The following SYT1 variants were observed in gnomAD, a reference collection of about 807,000 sequenced individuals.
The protein encoded by SYT1 is synaptotagmin-1.
A neutral mutation model predicts 44.8 loss-of-function variants in SYT1; 8 were observed. That is an observed-to-expected ratio of 0.18 (90% CI 0.10 to 0.32). SYT1 has a LOEUF of 0.32. Among genes scored for constraint, SYT1 ranks in the 10% least tolerant of loss-of-function variants. The probability of loss-of-function intolerance (pLI) is 1.00; values close to 1 mark genes in which losing one functional copy is unlikely to be tolerated. For missense variants in SYT1, 286 were observed against 509.3 expected, an observed-to-expected ratio of 0.56 and a Z score of 4.22; for synonymous variants, 154 against 188.8, an observed-to-expected ratio of 0.82 and a Z score of 1.51.
intron 3 of SYT1, among the ~76,000 whole-genome samples, chr12:79,073,129 G>A (rs1448459957): frequency 6.6e-6 from 1 of 151,944 alleles, no homozygotes; most frequent in Admixed American, 6.6e-5. Context: ...AAAAGACAAG[G>A]TCTCACTCTG....
chr12:79,249,826 T>C (rs1463582617), intron 4 of SYT1, among the ~76,000 whole-genome samples: 1 of 152,124 alleles, frequency 6.6e-6, no homozygotes, highest in African/African-American at 2.4e-5. Flanking sequence ...ATGAAGCCTG[T>C]TTTAGAAATT....
At chr12:78,936,975 C>T (rs538732021) in intron 1 of SYT1, among the ~76,000 whole-genome samples, 1 of 152,278 alleles carries the variant, frequency 6.6e-6, no homozygotes, top group Non-Finnish European at 1.5e-5. Context: ...TTAATGATGA[C>T]ATTTCAAAAG....
chr12:79,153,572 G>A (rs57652249), intron 3 of SYT1, among the ~76,000 whole-genome samples: 14,389 of 152,114 alleles, frequency 0.095, 869 homozygotes, highest in African/African-American at 0.17. Flanking sequence ...AATGCATTTT[G>A]TATGTAAATT....
chr12:78,876,829 T>TAATAC, intron 1 of SYT1, among the ~76,000 whole-genome samples: 5 of 39,856 alleles, frequency 1.3e-4, no homozygotes, highest in African/African-American at 2.4e-4. Flanking sequence ...ATATATTATA[T>TAATAC]GTATTATATA....
intron 2 of SYT1, chr12:79,036,364 T>A (rs1041536246): frequency 6.6e-6 from 1 of 151,846 alleles, no homozygotes; most frequent in African/African-American, 2.4e-5. Context: ...AGATGGGTAT[T>A]GAATTAGCTC....
intron 1 of SYT1, among the ~76,000 whole-genome samples, chr12:78,929,032 A>T (rs1402316309): frequency 2.0e-5 from 3 of 152,150 alleles, no homozygotes; most frequent in Non-Finnish European, 2.9e-5. Flanking sequence ...ACTAAAAAAA[A>T]GATGGTAGAA....
At chr12:79,040,650 G>A (rs1873488773) in intron 2 of SYT1, among the ~76,000 whole-genome samples, 4 of 152,000 alleles carry the variant, frequency 2.6e-5, no homozygotes, top group Admixed American at 2.6e-4. Flanking sequence ...TGTCAATTTT[G>A]TCTTTTGTTG....
At chr12:79,417,800 C>T (rs1230268892) in intron 9 of SYT1, among the ~76,000 whole-genome samples, 1 of 151,794 alleles carries the variant, frequency 6.6e-6, no homozygotes, top group Non-Finnish European at 1.5e-5. Flanking sequence ...CCACTCCCAC[C>T]CCCCACTTCA....
At chr12:79,227,936 C>G (rs1875620549) in intron 4 of SYT1, among the ~76,000 whole-genome samples, 1 of 151,970 alleles carries the variant, frequency 6.6e-6, no homozygotes, top group African/African-American at 2.4e-5. Flanking sequence ...ACTTTGCAGC[C>G]AAATACAAGT....
At chr12:79,204,462 A>T (rs1376458791) in intron 3 of SYT1, among the ~76,000 whole-genome samples, 1 of 152,236 alleles carries the variant, frequency 6.6e-6, no homozygotes, top group East Asian at 1.9e-4. Flanking sequence ...TTCAGAGTTG[A>T]GTTTCAGCAA....
At chr12:78,906,289 G>A (rs1178457510) in intron 1 of SYT1, among the ~76,000 whole-genome samples, 1 of 152,036 alleles carries the variant, frequency 6.6e-6, no homozygotes, top group African/African-American at 2.4e-5. Context: ...AAAGTAGGAA[G>A]ATGTTCTGAG....
intron 3 of SYT1, among the ~76,000 whole-genome samples, chr12:79,124,327 A>G (rs1487517654): frequency 6.7e-6 from 1 of 149,898 alleles, no homozygotes; most frequent in Non-Finnish European, 1.5e-5. Flanking sequence ...TTGCTGTATG[A>G]TCTTGGAGAC....
intron 3 of SYT1, among the ~76,000 whole-genome samples, chr12:79,179,000 AG>A (rs1408571463): frequency 9.6e-5 from 5 of 52,066 alleles, no homozygotes; most frequent in Admixed American, 2.5e-4. Context: ...ATATAGATAT[AG>A]ATATAGATAT....
intron 8 of SYT1, among the ~76,000 whole-genome samples, chr12:79,353,068 C>G (rs1026417278): frequency 9.9e-5 from 15 of 152,104 alleles, no homozygotes; most frequent in African/African-American, 3.4e-4. Flanking sequence ...TAGAGGTAAT[C>G]CTATTTGAAA....
intron 4 of SYT1, among the ~76,000 whole-genome samples, chr12:79,239,072 C>A (rs1726065792): frequency 6.6e-6 from 1 of 152,146 alleles, no homozygotes; most frequent in Non-Finnish European, 1.5e-5. Context: ...GTATGTACTG[C>A]TCCTATACAG....
intron 2 of SYT1, among the ~76,000 whole-genome samples, chr12:79,013,035 C>A (rs1030926317): frequency 6.6e-6 from 1 of 152,006 alleles, no homozygotes; most frequent in Non-Finnish European, 1.5e-5. Flanking sequence ...TCCACACCAG[C>A]CTAGCTAACA....
In SYT1 at chr12:79,243,901, GA is replaced by G. The variant is rs1222450955; in HGVS notation, c.166+26218del. ...GGAAGGAAGGAAGGCAGGAAGGAAGGAAGGAAGGAAGGAAATACAGGATGGG... is the reference window on the plus strand; with the variant it reads ...GGAAGGAAGGAAGGCAGGAAGGAAGGAGGAAGGAAGGAAATACAGGATGGG... On this transcript the variant is annotated intron_variant, in intron 4 of 10. Coordinates refer to ENST00000261205, the MANE Select transcript of SYT1 (RefSeq NM_005639.3). Among the ~76,000 whole-genome samples the G allele has an allele frequency of 5.9e-5, 9 of 151,712 alleles. 1 individual carries two copies. Among genetic ancestry groups the G allele is most frequent in the Admixed American group, 3.3e-4 (5 of 15,214 alleles).
chr12:79,145,355 TTGTTA>T (rs1869813075), intron 3 of SYT1, among the ~76,000 whole-genome samples: 1 of 152,168 alleles, frequency 6.6e-6, no homozygotes, highest in Admixed American at 6.5e-5. Flanking sequence ...CTTTGTCATT[TTGTTA>T]TATGTGAATT....
rs68183229 is a variant in SYT1 at position 79,001,879 on chromosome 12, TG to T, written c.-84+23949del. Among the ~76,000 whole-genome samples the T allele has an allele frequency of 2.2e-3, 326 of 147,830 alleles. 2 individuals carry two copies. Among genetic ancestry groups the T allele is most frequent in the South Asian group, 3.3e-3 (16 of 4,784 alleles). ...AACTTTCTTCACTCAGATAAACTAG[TG>T]TTTTTTTTTGGCACTTGCCTGGAAT... On this transcript the variant is annotated intron_variant, in intron 2 of 10. Coordinates refer to ENST00000261205, the MANE Select transcript of SYT1 (RefSeq NM_005639.3).
Sources: gnomAD v4.1 joint callset for allele counts (sites outside exome capture counted in the v4.1 genomes callset) on GRCh38, gnomAD v4.1.1 for gene constraint, MANE v1.5 for transcripts, NCBI Gene and HGNC (gene_info 2026-07-23, HGNC 2026-07-21) for gene names.